Variants in UGT2B17 observed in about 807,000 individuals in gnomAD.
The protein encoded by UGT2B17 is UDP-glucuronosyltransferase 2B17.
UGT2B17 carries 21 observed loss-of-function variants against 48.2 expected under a neutral mutation model. That is an observed-to-expected ratio of 0.44 (90% CI 0.31 to 0.63). The LOEUF (loss-of-function observed/expected upper bound fraction) is 0.63. UGT2B17 is among the 20% of genes least tolerant of loss of function. The probability of loss-of-function intolerance (pLI) is 0.08; values close to 1 mark genes in which losing one functional copy is unlikely to be tolerated. For synonymous variants in UGT2B17, 146 were observed against 238.4 expected (o/e 0.61, Z 3.57); for missense variants, 402 against 696.1 (o/e 0.58, Z 4.75).
chr4:68,568,539 A>G lies in UGT2B17; in HGVS notation c.-55T>C. ...TTGTTGTTTCTTTCTGTCATTTCTC[A>G]TACTTATATCTGAGGAAAAATCAAT... On this transcript the variant is annotated 5_prime_UTR_variant, in exon 2 of 7. An upstream start codon of the reference 5' UTR is lost. Coordinates refer to ENST00000317746, the MANE Select transcript of UGT2B17 (RefSeq NM_001077.4). 2.4e-6 allele frequency: 3 copies of G among 1,268,750 alleles called. No individual in the cohort carries two copies. Among genetic ancestry groups the G allele is most frequent in the Non-Finnish European group, 3.0e-6 (3 of 1,000,016 alleles). 78.6% of individuals were successfully genotyped at this position (1,268,750 alleles called of 1,614,324 possible). A position where few individuals can be genotyped will look rare whatever the true frequency, so the allele number is the denominator to read the frequency against.
chr4:68,547,688 C>G (rs1730841821), intron 6 of UGT2B17, among the ~76,000 whole-genome samples: 1 of 121,362 alleles, frequency 8.2e-6, no homozygotes, highest in Non-Finnish European at 1.7e-5. Context: ...TGACAAAGGG[C>G]TAATATCCAG....
At position 68,550,704 on chromosome 4, in the gene UGT2B17, G is replaced by A. The variant is rs775496476; in HGVS notation, c.1286C>T (p.Ala429Val). The change falls in exon 6 of 7, where the codon GCA becomes GTA. Residue 429 changes from alanine (A) to valine (V), a missense_variant. By Grantham distance (64) the Ala-to-Val change is moderately conservative (BLOSUM62 0). This residue lies in a region of UGT2B17 where 156 missense variants were observed against 258.6 expected (regional missense o/e 0.60). Coordinates refer to ENST00000317746, the MANE Select transcript of UGT2B17 (RefSeq NM_001077.4). Reference sequence around the variant, plus strand: ...AGGGTCATTAATGACTGACTTCAATGCATTGAGCAAATCTCTACTTGACAT... The same window carrying A: ...AGGGTCATTAATGACTGACTTCAATACATTGAGCAAATCTCTACTTGACAT... ...RTMSSRDLLNALKSVINDPIY... is the reference protein window; with the variant it reads ...RTMSSRDLLNVLKSVINDPIY... The A allele has an allele frequency of 2.2e-6, 3 of 1,376,992 alleles. 1 individual carries two copies. Among genetic ancestry groups the A allele is most frequent in the South Asian group, 3.4e-5 (2 of 59,674 alleles). 85.3% of individuals were successfully genotyped at this position (1,376,992 alleles called of 1,614,324 possible).
At position 68,547,476 on chromosome 4, in the gene UGT2B17, A is replaced by C. The variant is rs1157353147; in HGVS notation, c.1313+3201T>G. The stretch of plus-strand genomic sequence containing the variant: ...AGACCTAAAACCATAAAAACTCTAG[A>C]AGAAAACCTAGGCAATACCATTCAG... On this transcript the variant is annotated intron_variant, in intron 6 of 6. Coordinates refer to ENST00000317746, the MANE Select transcript of UGT2B17 (RefSeq NM_001077.4). 5.6e-5 allele frequency among the ~76,000 whole-genome samples: 7 copies of C among 125,500 alleles called. 1 individual carries two copies. The highest frequency in any genetic ancestry group is 8.2e-5 in the Admixed American group (1 of 12,216). The allele number at this position is 125,500 out of a possible 152,430, so 82.3% of individuals were successfully genotyped here. A position where few individuals can be genotyped will look rare whatever the true frequency, so the allele number is the denominator to read the frequency against.
rs765730299 is a variant in UGT2B17, at chr4:68,550,770, A to G, written c.1220T>C (p.Met407Thr). 7.2e-7 allele frequency: 1 copy of G among 1,388,178 alleles called. No individual in the cohort carries two copies. Among genetic ancestry groups the G allele is most frequent in the African/African-American group, 1.5e-5 (1 of 67,748 alleles). The allele number at this position is 1,388,178 out of a possible 1,614,324, so 86.0% of individuals were successfully genotyped here. Residue 407 changes from methionine to threonine, a missense_variant, in exon 6 of 7, where the codon ATG (methionine) becomes ACG (threonine). This residue lies in a region of UGT2B17 where 156 missense variants were observed against 258.6 expected (regional missense o/e 0.60). Coordinates refer to ENST00000317746, the MANE Select transcript of UGT2B17 (RefSeq NM_001077.4). ...ACTGAGGGCTGCTCCCTTGGCTTTC[A>G]TGTGAGCAATGTTATCATGTTGATC... ...FADQHDNIAH[M>T]KAKGAALSVD...
chr4:68,537,466 C>T lies in UGT2B17; in HGVS notation c.*159G>A, dbSNP rs1730573051. 1 of 584,810 alleles carries T rather than the reference C, an allele frequency of 1.7e-6. No individual in the cohort carries two copies. 36.2% of individuals were successfully genotyped at this position (584,810 alleles called of 1,614,324 possible). On this transcript the variant is annotated 3_prime_UTR_variant, in exon 7 of 7. Coordinates refer to ENST00000317746, the MANE Select transcript of UGT2B17 (RefSeq NM_001077.4). ...ACATAGAATAATTCCAACTAAAGTACATATTAAATTCCTGGAAAATAAATT... is the reference window on the plus strand; with the variant it reads ...ACATAGAATAATTCCAACTAAAGTATATATTAAATTCCTGGAAAATAAATT...
At position 68,568,561 on chromosome 4, in the gene UGT2B17, C is replaced by A; in HGVS notation, c.-64-13G>T. Reference sequence around the variant, plus strand: ...CTCATACTTATATCTGAGGAAAAATCAATCAAGTTAAAATATAACTGCTAA... The same window carrying A: ...CTCATACTTATATCTGAGGAAAAATAAATCAAGTTAAAATATAACTGCTAA... On this transcript the variant is annotated splice_polypyrimidine_tract_variant and intron_variant, in intron 1 of 6. Transcript: ENST00000317746. 5 of 1,230,886 alleles carry A rather than the reference C, an allele frequency of 4.1e-6. 1 individual carries two copies. The highest frequency in any genetic ancestry group is 5.1e-6 in the Non-Finnish European group (5 of 977,340). 76.2% of individuals were successfully genotyped at this position (1,230,886 alleles called of 1,614,324 possible).
intron 3 of UGT2B17, among the ~76,000 whole-genome samples, chr4:68,564,273 C>CATATAT (rs199693880): frequency 1.7e-4 from 16 of 93,402 alleles, no homozygotes; most frequent in African/African-American, 6.4e-4. Flanking sequence ...TATCAAATTT[C>CATATAT]ATATATATAT....
In UGT2B17 at chr4:68,551,660, A is replaced by G. The variant is rs1490466092; in HGVS notation, c.1093+164T>C. Among the ~76,000 whole-genome samples, 7 of 126,854 alleles carry G rather than the reference A, an allele frequency of 5.5e-5. 2 individuals carry two copies. The highest frequency in any genetic ancestry group is 8.1e-5 in the African/African-American group (3 of 37,258). 83.2% of individuals were successfully genotyped at this position (126,854 alleles called of 152,430 possible). ...AACAAAATGCCAACTACCATAGTGTATTCTTCTTATACTAAGACTAGAAAA... is the reference window on the plus strand; with the variant it reads ...AACAAAATGCCAACTACCATAGTGTGTTCTTCTTATACTAAGACTAGAAAA... On this transcript the variant is annotated intron_variant, in intron 5 of 6. Coordinates refer to ENST00000317746, the MANE Select transcript of UGT2B17 (RefSeq NM_001077.4).
In UGT2B17 at chr4:68,567,904, T is replaced by C. The variant is rs1323451977; in HGVS notation, c.581A>G (p.Tyr194Cys). ...NGGGFLFPPSYVPVVMSELSD... is the reference protein window; with the variant it reads ...NGGGFLFPPSCVPVVMSELSD... ...TAATTCTGACATAACAACAGGTACA[T>C]AGGAAGGAGGGAACAGAAATCCTCC... Residue 194 changes from tyrosine to cysteine, a missense_variant, in exon 2 of 7, where the codon TAT (tyrosine) becomes TGT (cysteine). Physicochemically the swap from Tyr to Cys is radical, Grantham distance 194. This residue lies in a region of UGT2B17 where 106 missense variants were observed against 169.8 expected (regional missense o/e 0.62). Coordinates refer to ENST00000317746, the MANE Select transcript of UGT2B17 (RefSeq NM_001077.4). 2 of 1,379,796 alleles carry C rather than the reference T, an allele frequency of 1.4e-6. 1 individual carries two copies. Among genetic ancestry groups the C allele is most frequent in the African/African-American group, 3.0e-5 (2 of 67,586 alleles). The allele number at this position is 1,379,796 out of a possible 1,614,324, so 85.5% of individuals were successfully genotyped here. A position where few individuals can be genotyped will look rare whatever the true frequency, so the allele number is the denominator to read the frequency against.
At chr4:68,570,532 T>G (rs1262167147) in intron 1 of UGT2B17, among the ~76,000 whole-genome samples, 3 of 126,546 alleles carry the variant, frequency 2.4e-5, no homozygotes, top group African/African-American at 8.1e-5. Flanking sequence ...TAAAATAATC[T>G]GAGAGGGTCC....
At chr4:68,567,176 A>G (rs548691878) in intron 2 of UGT2B17, among the ~76,000 whole-genome samples, 1 of 126,018 alleles carries the variant, frequency 7.9e-6, no homozygotes, top group African/African-American at 2.7e-5. Flanking sequence ...TTTCAACAAG[A>G]TTTCAGTTTT....
In UGT2B17 at chr4:68,574,952, C is replaced by CG. The variant is rs1161782021; in HGVS notation, c.-65+998_-65+999insC. 1.0e-4 allele frequency among the ~76,000 whole-genome samples: 7 copies of CG among 69,578 alleles called. 3 individuals are homozygous for CG. The highest frequency in any genetic ancestry group is 8.8e-3 in the East Asian group (2 of 226). The allele number at this position is 69,578 out of a possible 152,430, so 45.6% of individuals were successfully genotyped here. On this transcript the variant is annotated intron_variant, in intron 1 of 6. Transcript: ENST00000317746. ...TTACATAAATTTTACCTCCTCCCCC[C>CG]CCTTTTTTTTTTGAAGATAACCATT...
At chr4:68,552,195 A>C (rs78523561) in intron 4 of UGT2B17, among the ~76,000 whole-genome samples, 2,574 of 126,290 alleles carry the variant, frequency 0.02, 593 homozygotes, top group East Asian at 0.057. Context: ...GTGCCCCAAA[A>C]TCTATGCTAA....
In UGT2B17 at chr4:68,570,194, T is replaced by A. The variant is rs1731277297; in HGVS notation, c.-64-1646A>T. ...AAATCCAAGCTCCTCAAGTGCGCAA[T>A]TTTTGTCCTTTTTAAGGGCTCACAA... is the stretch of plus-strand genomic sequence containing the variant. On this transcript the variant is annotated intron_variant, in intron 1 of 6. Coordinates refer to ENST00000317746, the MANE Select transcript of UGT2B17 (RefSeq NM_001077.4). Among the ~76,000 whole-genome samples, 2 of 126,566 alleles carry A rather than the reference T, an allele frequency of 1.6e-5. 1 individual carries two copies. 83.0% of individuals were successfully genotyped at this position (126,566 alleles called of 152,430 possible). A position where few individuals can be genotyped will look rare whatever the true frequency, so the allele number is the denominator to read the frequency against.
rs1361955683 is a variant in UGT2B17, at chr4:68,540,644, C to T, written c.1314-2740G>A. Among the ~76,000 whole-genome samples the T allele has an allele frequency of 3.2e-5, 4 of 126,416 alleles. 2 individuals carry two copies. The highest frequency in any genetic ancestry group is 5.4e-5 in the African/African-American group (2 of 37,034). The allele number at this position is 126,416 out of a possible 152,430, so 82.9% of individuals were successfully genotyped here. ...CTGGTCGGTTCACATTTTTTAAAAA[C>T]AGTTTTATTTTAAGTTCCAGGATAC... On this transcript the variant is annotated intron_variant, in intron 6 of 6. Transcript: ENST00000317746.
In UGT2B17 at chr4:68,546,725, A is replaced by G. The variant is rs1318531165; in HGVS notation, c.1313+3952T>C. ...CTTAAGCTGATAAGCAACTTCAGCAAAGTCTCAGGATAAAAAATCAATGTG... is the reference window on the plus strand; with the variant it reads ...CTTAAGCTGATAAGCAACTTCAGCAGAGTCTCAGGATAAAAAATCAATGTG... On this transcript the variant is annotated intron_variant, in intron 6 of 6. Transcript: ENST00000317746. 4.8e-5 allele frequency among the ~76,000 whole-genome samples: 6 copies of G among 126,004 alleles called. 1 individual carries two copies. The highest frequency in any genetic ancestry group is 6.7e-5 in the Non-Finnish European group (4 of 59,524). The allele number at this position is 126,004 out of a possible 152,430, so 82.7% of individuals were successfully genotyped here. A position where few individuals can be genotyped will look rare whatever the true frequency, so the allele number is the denominator to read the frequency against.
At position 68,549,626 on chromosome 4, in the gene UGT2B17, C is replaced by A. The variant is rs1311271841; in HGVS notation, c.1313+1051G>T. 1.6e-5 allele frequency among the ~76,000 whole-genome samples: 2 copies of A among 125,124 alleles called. 1 individual carries two copies. The highest frequency in any genetic ancestry group is 3.4e-5 in the Non-Finnish European group (2 of 59,164). 82.1% of individuals were successfully genotyped at this position (125,124 alleles called of 152,430 possible). Reference sequence around the variant, plus strand: ...GACCACTTTACACACACTAGAAAGGCTGTAATAGAAAGACAGGTGATAACA... The same window carrying A: ...GACCACTTTACACACACTAGAAAGGATGTAATAGAAAGACAGGTGATAACA... On this transcript the variant is annotated intron_variant, in intron 6 of 6. Transcript: ENST00000317746.
intron 3 of UGT2B17, among the ~76,000 whole-genome samples, chr4:68,561,040 T>A (rs79434485): frequency 1.7e-5 from 2 of 117,170 alleles, no homozygotes; most frequent in African/African-American, 6.5e-5. Flanking sequence ...TTTAATTCTA[T>A]TTTTTTTTGT....
rs1443624520 is a variant in UGT2B17 at position 68,542,190 on chromosome 4, T to G, written c.1314-4286A>C. Among the ~76,000 whole-genome samples the G allele has an allele frequency of 4.0e-5, 5 of 126,504 alleles. 1 individual carries two copies. The highest frequency in any genetic ancestry group is 8.4e-5 in the Non-Finnish European group (5 of 59,688). 83.0% of individuals were successfully genotyped at this position (126,504 alleles called of 152,430 possible). A position where few individuals can be genotyped will look rare whatever the true frequency, so the allele number is the denominator to read the frequency against. On this transcript the variant is annotated intron_variant, in intron 6 of 6. Coordinates refer to ENST00000317746, the MANE Select transcript of UGT2B17 (RefSeq NM_001077.4). ...AGATCAGATGGTTGTAGATGTGTAA[T>G]GTTATTTCTGAGGCGTATGTTCTGT...
Sources: allele counts gnomAD v4.1 joint callset (sites outside exome capture counted in the v4.1 genomes callset), GRCh38; gene constraint gnomAD v4.1.1; regional missense constraint gnomAD v4.1.1; transcripts MANE v1.5; gene names NCBI Gene and HGNC (gene_info 2026-07-23, HGNC 2026-07-21).